BIN3: variants seen among roughly 807,000 people sequenced by gnomAD.
BIN3 encodes bridging integrator 3.
A neutral mutation model predicts 38.2 loss-of-function variants in BIN3; 41 were observed. The observed-to-expected ratio is 1.07, with a 90% CI of 0.84 to 1.39. The LOEUF is 1.39. Ranked by LOEUF, BIN3 falls within the 40% of genes most tolerant of loss-of-function variation. The pLI is 0.00. For synonymous variants in BIN3, 145 were observed against 122.6 expected (o/e 1.18, Z -1.21); for missense variants, 361 against 324.3 (o/e 1.11, Z -0.87).
chr8:22,652,363 G>A (rs1802929458), intron 1 of BIN3, among the ~76,000 whole-genome samples: 1 of 152,202 alleles, frequency 6.6e-6, no homozygotes, highest in East Asian at 1.9e-4. Flanking sequence ...CAGTTTTGTG[G>A]GGAACTCCCT....
intron 6 of BIN3, among the ~76,000 whole-genome samples, chr8:22,627,653 C>A (rs1051455600): frequency 1.9e-4 from 12 of 61,616 alleles, no homozygotes; most frequent in Non-Finnish European, 4.4e-4. Flanking sequence ...GCGCACTTCA[C>A]CCCTCCTCTC....
chr8:22,652,264 T>C (rs564279753), intron 1 of BIN3, among the ~76,000 whole-genome samples: 2 of 152,214 alleles, frequency 1.3e-5, no homozygotes, highest in African/African-American at 2.4e-5. Context: ...CTCTCATCTA[T>C]GACTGGGAGA....
chr8:22,639,962 A>G (rs1022593782), intron 2 of BIN3, among the ~76,000 whole-genome samples: 2 of 152,040 alleles, frequency 1.3e-5, no homozygotes, highest in Non-Finnish European at 2.9e-5. Context: ...CCCGGGTTCA[A>G]GCGATTCTCC....
At position 22,620,574 on chromosome 8, in the gene BIN3, G is replaced by GTGGGCC. The variant is rs1431539041; in HGVS notation, c.*842_*847dup. 2 of 152,252 alleles carry GTGGGCC rather than the reference G, an allele frequency of 1.3e-5. No homozygotes were observed. Among genetic ancestry groups the GTGGGCC allele is most frequent in the Non-Finnish European group, 2.9e-5 (2 of 68,066 alleles). 9.4% of individuals were successfully genotyped at this position (152,252 alleles called of 1,614,324 possible). A position where few individuals can be genotyped will look rare whatever the true frequency, so the allele number is the denominator to read the frequency against. On this transcript the variant is annotated 3_prime_UTR_variant, in exon 9 of 9. Transcript: ENST00000276416. ...ACCACGGTGCAGTTCGCTCCAGAAG[G>GTGGGCC]TGGGCCAGGGCCGGGGAGGTGCGCA...
intron 1 of BIN3, among the ~76,000 whole-genome samples, chr8:22,650,142 T>C (rs934306116): frequency 1.3e-5 from 2 of 152,196 alleles, no homozygotes; most frequent in Admixed American, 6.5e-5. Context: ...TCTTCTATTA[T>C]GAACAAAAAC....
intron 1 of BIN3, among the ~76,000 whole-genome samples, chr8:22,667,870 C>G (rs539107952): frequency 3.3e-5 from 5 of 152,354 alleles, no homozygotes; most frequent in African/African-American, 1.2e-4. Flanking sequence ...ATCCCTGACA[C>G]TGACTGATAT....
At chr8:22,628,400 C>T (rs2117510388) in intron 6 of BIN3, among the ~76,000 whole-genome samples, 1 of 152,320 alleles carries the variant, frequency 6.6e-6, no homozygotes, top group Non-Finnish European at 1.5e-5. Flanking sequence ...AGGCTGTAGG[C>T]TGCGCGGTTT....
At chr8:22,637,095 C>T (rs1475811977) in intron 2 of BIN3, 133 bp from the exon 3 acceptor site, 6 of 752,890 alleles carry the variant, frequency 8.0e-6, no homozygotes, top group African/African-American at 3.5e-5. Context: ...ACACAAGCAC[C>T]GACAGATCGC....
In BIN3 at chr8:22,624,054, G is replaced by A. The variant is rs774873550; in HGVS notation, c.481-5C>T. 3 of 1,610,258 alleles carry A rather than the reference G, an allele frequency of 1.9e-6. No homozygotes were observed. Among genetic ancestry groups the A allele is most frequent in the Non-Finnish European group, 2.5e-6 (3 of 1,178,360 alleles). On this transcript the variant is annotated splice_polypyrimidine_tract_variant and splice_region_variant and intron_variant, in intron 7 of 8. Transcript: ENST00000276416. ...AGGCCGCAGCTCCTCTCGTGCCTAG[G>A]GAACAAGACCTGGGTGTCAAAACTC...
At chr8:22,636,864 G>C in intron 3 of BIN3, 58 bp downstream of exon 3, 1 of 1,562,058 alleles carries the variant, frequency 6.4e-7, no homozygotes, top group South Asian at 1.1e-5. Context: ...GTGAGACCTG[G>C]CAGGGGGCCC....
rs754995821 is a variant in BIN3 at position 22,629,983 on chromosome 8, C to G, written c.319G>C (p.Val107Leu). ...ACTCACTTTTTTAAGGGCTCGATCACAGTCTTCTGGATCTGGTTCACCTGT... is the reference window on the plus strand; with the variant it reads ...ACTCACTTTTTTAAGGGCTCGATCAGAGTCTTCTGGATCTGGTTCACCTGT... The part of the protein sequence containing the change: ...QEKVNQIQKT[V>L]IEPLKKFGSV... The change falls in exon 6 of 9, where the codon GTG (valine) becomes CTG (leucine). Residue 107 changes from valine to leucine, a missense_variant. Physicochemically the swap from Val to Leu is conservative, Grantham distance 32. Coordinates refer to ENST00000276416, the MANE Select transcript of BIN3 (RefSeq NM_018688.6). The G allele has an allele frequency of 6.2e-7, 1 of 1,609,742 alleles. No individual in the cohort carries two copies. The highest frequency in any genetic ancestry group is 8.5e-7 in the Non-Finnish European group (1 of 1,177,872).
intron 1 of BIN3, among the ~76,000 whole-genome samples, chr8:22,645,555 GGAAAGGGGAA>G (rs1802688909): frequency 6.6e-6 from 1 of 151,738 alleles, no homozygotes; most frequent in Non-Finnish European, 1.5e-5. Flanking sequence ...GGAAAGGAAA[GGAAAGGGGAA>G]GAGAGGAAAG....
chr8:22,632,008 G>C (rs1802218748), intron 4 of BIN3, among the ~76,000 whole-genome samples: 1 of 152,234 alleles, frequency 6.6e-6, no homozygotes, highest in Non-Finnish European at 1.5e-5. Flanking sequence ...CAGGTCTCAG[G>C]AGAGAAGACA....
intron 1 of BIN3, among the ~76,000 whole-genome samples, chr8:22,657,060 T>C (rs1803078816): frequency 1.3e-5 from 2 of 152,244 alleles, no homozygotes; most frequent in Non-Finnish European, 2.9e-5. Flanking sequence ...GACACATTTG[T>C]TAAGGGCCAC....
At chr8:22,650,908 T>C (rs372748914) in intron 1 of BIN3, among the ~76,000 whole-genome samples, 1 of 152,354 alleles carries the variant, frequency 6.6e-6, no homozygotes, top group East Asian at 1.9e-4. Flanking sequence ...ATAACTTGGT[T>C]AGCTCAATAT....
intron 4 of BIN3, among the ~76,000 whole-genome samples, chr8:22,631,502 T>C (rs1164968301): frequency 6.6e-6 from 1 of 152,196 alleles, no homozygotes; most frequent in African/African-American, 2.4e-5. Context: ...AAATGTAGTT[T>C]GGTTCCATTT....
At chr8:22,669,016 C>T (rs145873907) in intron 1 of BIN3, 28 bp downstream of exon 1, 43,984 of 1,570,848 alleles carry the variant, frequency 0.028, 688 homozygotes, top group Non-Finnish European at 0.033. Flanking sequence ...GCGGGTCCAG[C>T]AGCTCCCGCC....
intron 2 of BIN3, among the ~76,000 whole-genome samples, chr8:22,638,157 C>T (rs1325980243): frequency 6.6e-6 from 1 of 152,248 alleles, no homozygotes; most frequent in African/African-American, 2.4e-5. Flanking sequence ...GAGTACACAT[C>T]TGCAGAAACT....
chr8:22,647,927 C>A (rs966945330), intron 1 of BIN3, among the ~76,000 whole-genome samples: 1 of 151,836 alleles, frequency 6.6e-6, no homozygotes, highest in South Asian at 2.1e-4. Flanking sequence ...GAGATCGAGA[C>A]CATCCTGGCT....
Sources: gnomAD v4.1 joint callset for allele counts (sites outside exome capture counted in the v4.1 genomes callset) on GRCh38, gnomAD v4.1.1 for gene constraint, MANE v1.5 for transcripts, NCBI Gene and HGNC (gene_info 2026-07-23, HGNC 2026-07-21) for gene names.